Variants in MYO18A observed in about 807,000 individuals in gnomAD.
MYO18A encodes unconventional myosin-XVIIIa.
In MYO18A, 78 loss-of-function variants were observed where a neutral mutation model predicts 235.8. That is an observed-to-expected ratio of 0.33 (90% CI 0.28 to 0.40). MYO18A has a LOEUF of 0.40. MYO18A is among the 10% of genes least tolerant of loss of function. The pLI, the probability that MYO18A is intolerant of heterozygous loss-of-function variation, is 1.00. For synonymous variants in MYO18A, 977 were observed against 1,077.8 expected (o/e 0.91, Z 1.83); for missense variants, 2,215 against 2,699.3 (o/e 0.82, Z 3.98).
intron 20 of MYO18A, among the ~76,000 whole-genome samples, chr17:29,105,341 T>C (rs2066757746): frequency 6.6e-6 from 1 of 151,692 alleles, no homozygotes; most frequent in Admixed American, 6.6e-5. Context: ...CAGAGCACAG[T>C]CCAGGGAGAC....
chr17:29,086,800 C>A, intron 38 of MYO18A, 136 bp downstream of exon 38: 1 of 1,193,400 alleles, frequency 8.4e-7, no homozygotes, highest in Non-Finnish European at 1.2e-6. Context: ...TCTTGATATG[C>A]TCCTCCTCCC....
chr17:29,119,400 G>T lies in MYO18A; in HGVS notation c.1764C>A (p.Arg588=), dbSNP rs1025094575. 3.7e-6 allele frequency: 6 copies of T among 1,611,578 alleles called. No homozygotes were observed. The highest frequency in any genetic ancestry group is 2.2e-5 in the East Asian group (1 of 44,872). The change falls in exon 8 of 42, where the codon CGC becomes CGA. Residue 588 remains arginine, a synonymous_variant. Transcript: ENST00000527372. The part of the protein sequence containing the change: ...MLLEKLRVAR[R]PASEATFNVF... ...CGTTGAATGTGGCTTCACTGGCTGG[G>T]CGCCGAGCCACACGCAGCTTCTCCA...
intron 2 of MYO18A, among the ~76,000 whole-genome samples, chr17:29,132,513 A>G (rs2067496824): frequency 6.6e-6 from 1 of 152,176 alleles, no homozygotes; most frequent in Admixed American, 6.5e-5. Flanking sequence ...CAATGTGGGT[A>G]GGAGCATGGC....
chr17:29,162,484 C>T (rs1045515702), intron 2 of MYO18A, among the ~76,000 whole-genome samples: 4 of 152,204 alleles, frequency 2.6e-5, no homozygotes, highest in African/African-American at 7.2e-5. Context: ...CTCTTGCCTC[C>T]GCTTCACTCA....
intron 15 of MYO18A, among the ~76,000 whole-genome samples, chr17:29,112,149 C>T (rs1227974268): frequency 6.6e-6 from 1 of 152,208 alleles, no homozygotes; most frequent in Non-Finnish European, 1.5e-5. Flanking sequence ...CTGGCCCGAG[C>T]CCGCGCCCCG....
At chr17:29,097,972 A>G in intron 25 of MYO18A, 73 bp from the exon 26 acceptor site, 1 of 1,573,992 alleles carries the variant, frequency 6.4e-7, no homozygotes, top group Non-Finnish European at 8.6e-7. Flanking sequence ...ACAGACCATG[A>G]TCACATGCTT....
intron 15 of MYO18A, among the ~76,000 whole-genome samples, chr17:29,113,752 G>A (rs1187706809): frequency 6.6e-6 from 1 of 152,206 alleles, no homozygotes. Context: ...TTTCCTGCCT[G>A]ACTGGGACCC....
At chr17:29,124,544 C>T (rs922135112) in intron 2 of MYO18A, 23 of 827,236 alleles carry the variant, frequency 2.8e-5, no homozygotes, top group Non-Finnish European at 3.2e-5. Flanking sequence ...AGAGGCCTTA[C>T]ACTCCAGCAG....
At chr17:29,097,935 TC>T (rs757569052) in intron 25 of MYO18A, 36 bp from the exon 26 acceptor site, 7 of 1,592,752 alleles carry the variant, frequency 4.4e-6, no homozygotes, top group Middle Eastern at 1.7e-4. Flanking sequence ...TGCCATTCCA[TC>T]CCCTCATACC....
At chr17:29,090,133 G>A (rs762428089) in intron 36 of MYO18A, 35 bp from the exon 37 acceptor site, 27 of 1,598,748 alleles carry the variant, frequency 1.7e-5, no homozygotes, top group Non-Finnish European at 2.2e-5. Context: ...AGAAAGAACT[G>A]AGCCCAGAAA....
At chr17:29,156,141 G>A (rs578198571) in intron 2 of MYO18A, among the ~76,000 whole-genome samples, 2 of 152,296 alleles carry the variant, frequency 1.3e-5, no homozygotes, top group African/African-American at 4.8e-5. Flanking sequence ...GATCCTTGCT[G>A]TGAAAATTCC....
chr17:29,167,071 G>A (rs1162312608), intron 1 of MYO18A, 50 bp from the exon 2 acceptor site: 10 of 1,318,682 alleles, frequency 7.6e-6, no homozygotes, highest in Non-Finnish European at 8.0e-6. Context: ...AGAGCCTCAT[G>A]TGTCTCCAGT....
intron 19 of MYO18A, among the ~76,000 whole-genome samples, chr17:29,108,914 G>T (rs1568072223): frequency 6.6e-6 from 1 of 152,092 alleles, no homozygotes; most frequent in Non-Finnish European, 1.5e-5. Context: ...GGTTCAGAGC[G>T]GTAACAATCT....
chr17:29,120,735 T>G lies in MYO18A; in HGVS notation c.1609A>C (p.Thr537Pro), dbSNP rs748218566. ...CTGTTCCCAAAGGCTTCCAGGAGGG[T>G]GTACAGAGCCTGCCACTTCTCCACT... ...FSVEKWQALY[T>P]LLEAFGNSPT... Residue 537 changes from threonine (T) to proline (P), a missense_variant, in exon 7 of 42, where the codon ACC becomes CCC. Physicochemically the swap from Thr to Pro is conservative, Grantham distance 38. Transcript: ENST00000527372. The surrounding 1 kb of genome is among the most constrained non-coding windows in gnomAD (Gnocchi z 4.2). The G allele has an allele frequency of 1.9e-6, 3 of 1,613,294 alleles. No homozygotes were observed. In the Admixed American group the frequency reaches 5.0e-5, roughly 27 times the overall value.
intron 20 of MYO18A, among the ~76,000 whole-genome samples, chr17:29,104,699 T>A (rs1283644985): frequency 1.3e-4 from 20 of 151,958 alleles, no homozygotes; most frequent in Admixed American, 9.8e-4. Flanking sequence ...AAAATACATA[T>A]GGCCAAGGAC....
intron 2 of MYO18A, among the ~76,000 whole-genome samples, chr17:29,152,491 C>A (rs1246586791): frequency 1.3e-5 from 2 of 152,196 alleles, no homozygotes; most frequent in Non-Finnish European, 2.9e-5. Flanking sequence ...GCTAAGATTA[C>A]TGTGCAGCCC....
chr17:29,091,014 G>A, intron 34 of MYO18A, 88 bp from the exon 35 acceptor site: 1 of 1,078,036 alleles, frequency 9.3e-7, no homozygotes, highest in Middle Eastern at 2.1e-4. Context: ...GCATTGTAGA[G>A]AAGATGATAA....
intron 1 of MYO18A, among the ~76,000 whole-genome samples, chr17:29,176,246 G>A (rs1421729358): frequency 6.6e-6 from 1 of 152,096 alleles, no homozygotes; most frequent in Non-Finnish European, 1.5e-5. Context: ...CTGCAAACAG[G>A]GTAATGGTCA....
intron 2 of MYO18A, among the ~76,000 whole-genome samples, chr17:29,159,575 T>C (rs991936357): frequency 2.0e-5 from 3 of 152,084 alleles, no homozygotes; most frequent in African/African-American, 7.2e-5. Context: ...AACAGAAGCA[T>C]TGTAGAACAC....
Sources: allele counts gnomAD v4.1 joint callset (sites outside exome capture counted in the v4.1 genomes callset), GRCh38; gene constraint gnomAD v4.1.1; non-coding constraint Gnocchi (gnomAD v3.1); transcripts MANE v1.5; gene names NCBI Gene and HGNC (gene_info 2026-07-23, HGNC 2026-07-21).